The following SLC39A11 variants were observed in gnomAD, a reference collection of about 807,000 sequenced individuals.
The protein encoded by SLC39A11 is zinc transporter ZIP11.
A neutral mutation model predicts 36.1 loss-of-function variants in SLC39A11; 33 were observed. The ratio of observed to expected loss-of-function variants is 0.91; its 90% CI spans 0.69 to 1.22. The LOEUF (loss-of-function observed/expected upper bound fraction) is 1.22, where lower values mean the gene tolerates loss of function less well. Among genes scored for constraint, SLC39A11 ranks in the 50% most tolerant of loss-of-function variants. The pLI, the probability that SLC39A11 is intolerant of heterozygous loss-of-function variation, is 0.00. For synonymous variants in SLC39A11, 166 were observed against 170.3 expected (o/e 0.97, Z 0.20); for missense variants, 432 against 430.3 (o/e 1.00, Z -0.03).
chr17:73,056,506 T>C (rs1375283465), intron 3 of SLC39A11, among the ~76,000 whole-genome samples: 1 of 152,162 alleles, frequency 6.6e-6, no homozygotes, highest in African/African-American at 2.4e-5. Flanking sequence ...CTGATCTTTT[T>C]TTGGCTTTTG....
At chr17:72,831,393 G>A (rs1335086060) in intron 6 of SLC39A11, among the ~76,000 whole-genome samples, 1 of 152,112 alleles carries the variant, frequency 6.6e-6, no homozygotes, top group Non-Finnish European at 1.5e-5. Context: ...CTATTTATCT[G>A]GTACCTTTAT....
chr17:72,778,151 C>T lies in SLC39A11; in HGVS notation c.602-41432G>A, dbSNP rs143126428. Among the ~76,000 whole-genome samples the T allele has an allele frequency of 2.6e-4, 40 of 152,256 alleles. No homozygotes were observed. In the East Asian group the frequency reaches 5.6e-3, roughly 21 times the overall value. The stretch of plus-strand genomic sequence containing the variant: ...AACTCCTGACCTCAGGTAATCCACC[C>T]GCTTCAGCCTCCCAAAGTGCTGGGA... On this transcript the variant is annotated intron_variant, in intron 6 of 9. Coordinates refer to ENST00000255559, the MANE Select transcript of SLC39A11 (RefSeq NM_139177.4).
chr17:73,034,630 C>G (rs1383803414), intron 3 of SLC39A11, among the ~76,000 whole-genome samples: 2 of 152,178 alleles, frequency 1.3e-5, no homozygotes, highest in Non-Finnish European at 2.9e-5. Flanking sequence ...CCACTCATCT[C>G]ACCCTCTAAA....
chr17:72,682,932 CAACA>C, intron 7 of SLC39A11, among the ~76,000 whole-genome samples: 1 of 152,272 alleles, frequency 6.6e-6, no homozygotes, highest in East Asian at 1.9e-4. Flanking sequence ...CCCATTTTGT[CAACA>C]AACAAACAAA....
At chr17:72,712,037 T>C (rs2143323909) in intron 7 of SLC39A11, among the ~76,000 whole-genome samples, 1 of 152,354 alleles carries the variant, frequency 6.6e-6, no homozygotes, top group East Asian at 1.9e-4. Context: ...GGGATTAGAC[T>C]GATGCCTTGT....
chr17:72,849,737 A>G lies in SLC39A11; in HGVS notation c.498T>C (p.Pro166=). ...TCCCTCGAGAAGGCACAGGGACAGCAGGACCCTCTGGAAGGCCAGTGGCTG... is the reference window on the plus strand; with the variant it reads ...TCCCTCGAGAAGGCACAGGGACAGCGGGACCCTCTGGAAGGCCAGTGGCTG... The part of the protein sequence containing the change: ...KAAATGLPEG[P]AVPVPSRGNL... Residue 166 remains proline, a synonymous_variant, in exon 6 of 10, where the codon CCT becomes CCC. Coordinates refer to ENST00000255559, the MANE Select transcript of SLC39A11 (RefSeq NM_139177.4). The G allele has an allele frequency of 6.2e-7, 1 of 1,610,774 alleles. No homozygotes were observed. The highest frequency in any genetic ancestry group is 8.5e-7 in the Non-Finnish European group (1 of 1,178,904).
intron 4 of SLC39A11, among the ~76,000 whole-genome samples, chr17:72,954,287 C>T (rs1485147141): frequency 6.6e-6 from 1 of 152,224 alleles, no homozygotes; most frequent in Non-Finnish European, 1.5e-5. Context: ...CTCAAGTGAT[C>T]CGAGGAAGGC....
chr17:72,769,272 C>T (rs941335981), intron 6 of SLC39A11, among the ~76,000 whole-genome samples: 4 of 152,202 alleles, frequency 2.6e-5, no homozygotes, highest in South Asian at 4.1e-4. Flanking sequence ...TTCTTTCCAA[C>T]GTGTCACTCA....
chr17:72,999,734 G>GT (rs1278717360), intron 4 of SLC39A11, among the ~76,000 whole-genome samples: 3 of 151,922 alleles, frequency 2.0e-5, no homozygotes, highest in African/African-American at 2.4e-5. Context: ...TCCTGTATCT[G>GT]TTTTTTTGTT....
intron 3 of SLC39A11, among the ~76,000 whole-genome samples, chr17:73,058,540 T>C (rs1014681110): frequency 2.0e-5 from 3 of 152,054 alleles, no homozygotes; most frequent in African/African-American, 2.4e-5. Flanking sequence ...CTGGCCAACA[T>C]GGCGAAACCC....
chr17:72,927,313 T>C lies in SLC39A11; in HGVS notation c.430+20439A>G, dbSNP rs149720390. Among the ~76,000 whole-genome samples the C allele has an allele frequency of 2.6e-3, 398 of 152,306 alleles. 1 individual carries two copies. The highest frequency in any genetic ancestry group is 4.9e-3 in the Non-Finnish European group (332 of 68,018). On this transcript the variant is annotated intron_variant, in intron 5 of 9. Transcript: ENST00000255559. ...CTCCTCTCAAGTGATCCACGCACCT[T>C]GGCCTCCCAAAGTGCTGGGATTACA...
chr17:72,846,078 G>A (rs2079045399), intron 6 of SLC39A11, among the ~76,000 whole-genome samples: 1 of 127,016 alleles, frequency 7.9e-6, no homozygotes, highest in Non-Finnish European at 1.6e-5. Flanking sequence ...CGCCCAGGCT[G>A]CAGTGCAGTA....
rs2069584442 is a variant in SLC39A11, at chr17:72,646,889, C to T, written c.*695G>A. ...GTCTGTCTCTTCTTTCCACAGGGCTCACTGTGAGTTCACAGTTGTCCTCAT... is the reference window on the plus strand; with the variant it reads ...GTCTGTCTCTTCTTTCCACAGGGCTTACTGTGAGTTCACAGTTGTCCTCAT... On this transcript the variant is annotated 3_prime_UTR_variant, in exon 10 of 10. Transcript: ENST00000255559. 1 of 150,776 alleles carries T rather than the reference C, an allele frequency of 6.6e-6. No individual in the cohort carries two copies. The highest frequency in any genetic ancestry group is 2.4e-5 in the African/African-American group (1 of 40,916). The allele number at this position is 150,776 out of a possible 1,614,324, so 9.3% of individuals were successfully genotyped here. A position where few individuals can be genotyped will look rare whatever the true frequency, so the allele number is the denominator to read the frequency against.
At chr17:72,670,194 CACACACACACACACACACATAT>C (rs1358736112) in intron 7 of SLC39A11, among the ~76,000 whole-genome samples, 3 of 95,540 alleles carry the variant, frequency 3.1e-5, no homozygotes, top group African/African-American at 7.2e-5. Flanking sequence ...CACACACACA[CACACACACACACACACACATAT>C]ATATATATGC....
At chr17:72,914,698 T>C (rs950578187) in intron 5 of SLC39A11, among the ~76,000 whole-genome samples, 7 of 152,038 alleles carry the variant, frequency 4.6e-5, no homozygotes, top group Admixed American at 2.0e-4. Context: ...CTGGCCAACA[T>C]GGCTACTAAA....
chr17:72,817,587 G>A (rs944865880), intron 6 of SLC39A11, among the ~76,000 whole-genome samples: 3 of 152,146 alleles, frequency 2.0e-5, no homozygotes, highest in African/African-American at 4.8e-5. Context: ...CATGGGAAGC[G>A]CTCAATGGAT....
chr17:73,047,995 A>AAAAT (rs2059373834), intron 3 of SLC39A11, among the ~76,000 whole-genome samples: 1 of 56,714 alleles, frequency 1.8e-5, no homozygotes, highest in Non-Finnish European at 3.1e-5. Context: ...AAAAAAATAT[A>AAAAT]TATATATATA....
chr17:72,900,999 A>C (rs1204146731), intron 5 of SLC39A11, among the ~76,000 whole-genome samples: 1 of 151,816 alleles, frequency 6.6e-6, no homozygotes, highest in African/African-American at 2.4e-5. Flanking sequence ...AACACGAAAA[A>C]AAAACACGAT....
At position 72,818,427 on chromosome 17, in the gene SLC39A11, C is replaced by G. The variant is rs141650745; in HGVS notation, c.601+31207G>C. Among the ~76,000 whole-genome samples the G allele has an allele frequency of 9.9e-5, 15 of 152,236 alleles. No individual in the cohort carries two copies. The East Asian group carries it at 2.7e-3, about 27-fold the overall frequency. On this transcript the variant is annotated intron_variant, in intron 6 of 9. Transcript: ENST00000255559. ...CACCTGCAGATGAAGTAGCTTGTTC[C>G]GAGAGGAATGACTTCACAAGGATGG...
Sources: gnomAD v4.1 joint callset for allele counts (sites outside exome capture counted in the v4.1 genomes callset) on GRCh38, gnomAD v4.1.1 for gene constraint, MANE v1.5 for transcripts, NCBI Gene and HGNC (gene_info 2026-07-23, HGNC 2026-07-21) for gene names.